The following KCNH1 variants were observed in gnomAD, a reference collection of about 807,000 sequenced individuals.
KCNH1 encodes potassium voltage-gated channel subfamily H member 1, also known as voltage-gated delayed rectifier potassium channel KCNH1.
In KCNH1, 27 loss-of-function variants were observed where a neutral mutation model predicts 69.2. That is an observed-to-expected ratio of 0.39 (90% CI 0.29 to 0.54). The LOEUF (loss-of-function observed/expected upper bound fraction) is 0.54. KCNH1 is among the 20% of genes least tolerant of loss of function. KCNH1 has a pLI of 0.68. For missense variants in KCNH1, 798 were observed against 1,261.6 expected (o/e 0.63, Z 5.57); for synonymous variants, 456 against 487.7 (o/e 0.93, Z 0.86).
chr1:211,037,042 T>C (rs1300154765), intron 5 of KCNH1, among the ~76,000 whole-genome samples: 2 of 152,236 alleles, frequency 1.3e-5, no homozygotes, highest in African/African-American at 4.8e-5. Context: ...AAAGGGTTTT[T>C]CTCTTGATGA....
chr1:211,020,527 A>G (rs1689570192), intron 5 of KCNH1, among the ~76,000 whole-genome samples: 1 of 152,050 alleles, frequency 6.6e-6, no homozygotes, highest in Non-Finnish European at 1.5e-5. Context: ...AAAGCCCAGG[A>G]CCAGATGGCT....
At chr1:211,091,849 A>G (rs2102474107) in intron 3 of KCNH1, among the ~76,000 whole-genome samples, 1 of 152,332 alleles carries the variant, frequency 6.6e-6, no homozygotes, top group South Asian at 2.1e-4. Context: ...ATAATTAAGG[A>G]AAATAAATAA....
At position 211,009,978 on chromosome 1, in the gene KCNH1, TG is replaced by T. The variant is rs747018145; in HGVS notation, c.1032+8804del. 4.6e-5 allele frequency among the ~76,000 whole-genome samples: 7 copies of T among 152,304 alleles called. No homozygotes were observed. In the East Asian group the frequency reaches 1.2e-3, roughly 25 times the overall value. On this transcript the variant is annotated intron_variant, in intron 6 of 10. Transcript: ENST00000271751. ...AAGAGGATCAGGGGAGAGTACGAGC[TG>T]GGTGTTGTCAGTCTGAGGAGAGAGG...
chr1:210,704,689 T>A (rs1403696372), intron 10 of KCNH1, among the ~76,000 whole-genome samples: 7 of 152,170 alleles, frequency 4.6e-5, no homozygotes, highest in Non-Finnish European at 1.0e-4. Flanking sequence ...CAAATGCTAT[T>A]CTCCTTTTGA....
intron 5 of KCNH1, among the ~76,000 whole-genome samples, chr1:211,023,995 A>G (rs996591636): frequency 7.2e-5 from 11 of 152,214 alleles, no homozygotes; most frequent in South Asian, 2.1e-4. Flanking sequence ...GGAGACCTCA[A>G]TTACCCCAAT....
At position 210,707,665 on chromosome 1, in the gene KCNH1, TG is replaced by T. The variant is rs527695224; in HGVS notation, c.2113-23528del. On this transcript the variant is annotated intron_variant, in intron 10 of 10. Coordinates refer to ENST00000271751, the MANE Select transcript of KCNH1 (RefSeq NM_172362.3). ...TTGCTGGTTTAATGCTCCAGCCCAG[TG>T]GCAGGCTGTGGGCTCCAGATGTGGC... Among the ~76,000 whole-genome samples the T allele has an allele frequency of 2.7e-3, 411 of 152,294 alleles. 2 individuals carry two copies. The highest frequency in any genetic ancestry group is 9.4e-3 in the African/African-American group (390 of 41,574).
At chr1:211,026,263 T>G (rs1369285382) in intron 5 of KCNH1, among the ~76,000 whole-genome samples, 1 of 150,318 alleles carries the variant, frequency 6.7e-6, no homozygotes, top group Non-Finnish European at 1.5e-5. Context: ...GAAAAGAAAG[T>G]AAAACGGCTA....
At chr1:211,036,816 G>A (rs1275338719) in intron 5 of KCNH1, among the ~76,000 whole-genome samples, 2 of 152,120 alleles carry the variant, frequency 1.3e-5, no homozygotes, top group African/African-American at 4.8e-5. Flanking sequence ...AGCTTCCTAG[G>A]AGAGGCTTGT....
At chr1:210,940,909 G>T (rs17017065) in intron 6 of KCNH1, among the ~76,000 whole-genome samples, 8,511 of 152,258 alleles carry the variant, frequency 0.056, 363 homozygotes, top group African/African-American at 0.11. Context: ...GATGCAGTTA[G>T]CCACGCCCTT....
chr1:211,014,648 C>T (rs1302281090), intron 6 of KCNH1, among the ~76,000 whole-genome samples: 1 of 152,156 alleles, frequency 6.6e-6, no homozygotes, highest in African/African-American at 2.4e-5. Flanking sequence ...CACACATACA[C>T]ACAGATGGCA....
At chr1:210,932,394 C>T (rs774563709) in intron 6 of KCNH1, among the ~76,000 whole-genome samples, 3 of 152,012 alleles carry the variant, frequency 2.0e-5, no homozygotes, top group Middle Eastern at 3.2e-3. Flanking sequence ...AGAAATTAAA[C>T]CTTGTCACTA....
intron 3 of KCNH1, among the ~76,000 whole-genome samples, chr1:211,092,279 G>C (rs144819564): frequency 3.9e-5 from 6 of 152,310 alleles, no homozygotes; most frequent in African/African-American, 1.4e-4. Context: ...GGGACAGACA[G>C]ACAACTCTGA....
At chr1:211,010,436 C>T (rs1447536068) in intron 6 of KCNH1, among the ~76,000 whole-genome samples, 1 of 152,148 alleles carries the variant, frequency 6.6e-6, no homozygotes. Context: ...AAACTGTAAA[C>T]TCCTTGGCAA....
intron 5 of KCNH1, among the ~76,000 whole-genome samples, chr1:211,062,769 C>CA (rs1690452790): frequency 2.0e-5 from 3 of 152,070 alleles, no homozygotes; most frequent in Admixed American, 2.0e-4. Context: ...TCATGTAACC[C>CA]CAGTTAAAAT....
chr1:210,949,607 C>T (rs1202782229), intron 6 of KCNH1, among the ~76,000 whole-genome samples: 1 of 152,204 alleles, frequency 6.6e-6, no homozygotes, highest in Non-Finnish European at 1.5e-5. Flanking sequence ...GTCCTGGCTC[C>T]TCTTAGAGGG....
chr1:210,757,814 A>T (rs1265405998), intron 10 of KCNH1, among the ~76,000 whole-genome samples: 2 of 152,240 alleles, frequency 1.3e-5, no homozygotes, highest in Non-Finnish European at 2.9e-5. Flanking sequence ...AACAGCAATC[A>T]TGCAAATACC....
chr1:210,966,225 A>C (rs1688397191), intron 6 of KCNH1, among the ~76,000 whole-genome samples: 1 of 152,176 alleles, frequency 6.6e-6, no homozygotes, highest in Non-Finnish European at 1.5e-5. Context: ...CCTTATACAA[A>C]AATTAACTCG....
At chr1:211,117,951 G>A (rs1354344690) in intron 1 of KCNH1, among the ~76,000 whole-genome samples, 12 of 152,110 alleles carry the variant, frequency 7.9e-5, no homozygotes, top group Admixed American at 7.9e-4. Flanking sequence ...CTAAATGCTG[G>A]ACTCTGTGCA....
intron 1 of KCNH1, among the ~76,000 whole-genome samples, chr1:211,127,982 C>T (rs558750748): frequency 1.5e-4 from 23 of 152,220 alleles, no homozygotes; most frequent in Admixed American, 3.3e-4. Context: ...CTATAAAGCA[C>T]GATGCAGCAG....
Sources: gnomAD v4.1 joint callset for allele counts (sites outside exome capture counted in the v4.1 genomes callset) on GRCh38, gnomAD v4.1.1 for gene constraint, MANE v1.5 for transcripts, NCBI Gene and HGNC (gene_info 2026-07-23, HGNC 2026-07-21) for gene names.